Variants in CREB5 observed in about 807,000 individuals in gnomAD.
CREB5 encodes cyclic AMP-responsive element-binding protein 5.
A neutral mutation model predicts 57.1 loss-of-function variants in CREB5; 19 were observed. That is an observed-to-expected ratio of 0.33 (90% CI 0.23 to 0.49). The LOEUF (loss-of-function observed/expected upper bound fraction) is 0.49, where lower values mean the gene tolerates loss of function less well. Among genes scored for constraint, CREB5 ranks in the 20% least tolerant of loss-of-function variants. The pLI, the probability that CREB5 is intolerant of heterozygous loss-of-function variation, is 0.99. For missense variants in CREB5, 579 were observed against 671.6 expected (o/e 0.86, Z 1.52); for synonymous variants, 238 against 238.3 (o/e 1.00, Z 0.01).
Position 28,780,507 on chromosome 7 carries a change from A to G in CREB5, c.703-23692A>G, listed in dbSNP as rs566061411. ...GAGACTGAGGCAGGCAGATCACTTG[A>G]GGTCCGGAGTTTGAGACCAGCCTGC... On this transcript the variant is annotated intron_variant, in intron 7 of 10. Transcript: ENST00000357727. Among the ~76,000 whole-genome samples, 16 of 152,292 alleles carry G rather than the reference A, an allele frequency of 1.1e-4. No homozygotes were observed. In the South Asian group the frequency reaches 3.3e-3, roughly 32 times the overall value.
At chr7:28,684,270 G>T (rs980329110) in intron 5 of CREB5, among the ~76,000 whole-genome samples, 5 of 152,206 alleles carry the variant, frequency 3.3e-5, no homozygotes, top group Non-Finnish European at 7.3e-5. Context: ...CACATTTGCC[G>T]CTGTCAGGCC....
At chr7:28,321,922 A>G (rs1368430010) in intron 1 of CREB5, among the ~76,000 whole-genome samples, 1 of 152,220 alleles carries the variant, frequency 6.6e-6, no homozygotes, top group Non-Finnish European at 1.5e-5. Flanking sequence ...GAAGTTAGCA[A>G]TCAACGAAAT....
chr7:28,382,619 C>T (rs1786987923), intron 1 of CREB5, among the ~76,000 whole-genome samples: 1 of 152,082 alleles, frequency 6.6e-6, no homozygotes, highest in African/African-American at 2.4e-5. Context: ...CTCCTCCTCT[C>T]CAAAGTCTTT....
chr7:28,304,418 T>G (rs1785150988), intron 1 of CREB5, among the ~76,000 whole-genome samples: 1 of 152,206 alleles, frequency 6.6e-6, no homozygotes, highest in South Asian at 2.1e-4. Flanking sequence ...GATATTTCAT[T>G]TTCTCCCTTT....
intron 5 of CREB5, among the ~76,000 whole-genome samples, chr7:28,698,488 C>T (rs536184383): frequency 6.6e-6 from 1 of 152,186 alleles, no homozygotes; most frequent in Admixed American, 6.5e-5. Context: ...CCAATTATAC[C>T]ATTTTCTAAG....
At chr7:28,304,965 A>G (rs1026075311) in intron 1 of CREB5, among the ~76,000 whole-genome samples, 5 of 152,204 alleles carry the variant, frequency 3.3e-5, no homozygotes, top group Admixed American at 2.0e-4. Flanking sequence ...CTTCACTGAA[A>G]TCTTTCATAG....
chr7:28,432,126 T>A (rs891097527), intron 1 of CREB5, among the ~76,000 whole-genome samples: 5 of 152,274 alleles, frequency 3.3e-5, no homozygotes, highest in African/African-American at 1.2e-4. Context: ...ACTGAAACTT[T>A]GTAATAGGAT....
chr7:28,564,969 G>C (rs1446533701), intron 4 of CREB5, among the ~76,000 whole-genome samples: 1 of 152,170 alleles, frequency 6.6e-6, no homozygotes, highest in Non-Finnish European at 1.5e-5. Context: ...AGATCATGAA[G>C]ACCATGTGGT....
intron 9 of CREB5, among the ~76,000 whole-genome samples, chr7:28,816,055 G>GTACGCA (rs1554303452): frequency 6.9e-6 from 1 of 145,338 alleles, no homozygotes; most frequent in East Asian, 2.1e-4. Flanking sequence ...AAATATATAC[G>GTACGCA]CACACACACA....
chr7:28,697,983 A>G (rs1444184690), intron 5 of CREB5, among the ~76,000 whole-genome samples: 1 of 152,208 alleles, frequency 6.6e-6, no homozygotes, highest in African/African-American at 2.4e-5. Context: ...AGACTTATAA[A>G]AAGAGAAGCT....
chr7:28,668,958 C>T (rs557698544), intron 5 of CREB5, among the ~76,000 whole-genome samples: 30 of 152,288 alleles, frequency 2.0e-4, no homozygotes, highest in African/African-American at 7.0e-4. Context: ...TGCTCTGAGG[C>T]CCCGTGTAGT....
intron 5 of CREB5, among the ~76,000 whole-genome samples, chr7:28,682,432 G>A (rs975443610): frequency 3.9e-5 from 6 of 152,310 alleles, no homozygotes; most frequent in African/African-American, 1.4e-4. Flanking sequence ...TGCAAAGGAG[G>A]ACTTAGAAAA....
chr7:28,737,581 ATATATAT>A (rs1804099918), intron 7 of CREB5, among the ~76,000 whole-genome samples: 2 of 27,156 alleles, frequency 7.4e-5, no homozygotes, highest in Non-Finnish European at 1.9e-4. Context: ...ATATATATAT[ATATATAT>A]TTTTAACTCC....
At chr7:28,480,430 C>T (rs1281941072) in intron 1 of CREB5, among the ~76,000 whole-genome samples, 1 of 152,176 alleles carries the variant, frequency 6.6e-6, no homozygotes, top group East Asian at 1.9e-4. Flanking sequence ...CAATGAAATA[C>T]TTTCTTTTCT....
rs751403479 is a variant in CREB5 at position 28,721,195 on chromosome 7, G to A, written c.591+2316G>A. Among the ~76,000 whole-genome samples, 57 of 152,178 alleles carry A rather than the reference G, an allele frequency of 3.7e-4. 1 individual carries two copies. The highest frequency in any genetic ancestry group is 9.8e-4 in the Admixed American group (15 of 15,268). ...AGACTCCATTGGTTGTCACAACCAGGGTCGGTGGGAAGGTACAGGCACCTG... is the reference window on the plus strand; with the variant it reads ...AGACTCCATTGGTTGTCACAACCAGAGTCGGTGGGAAGGTACAGGCACCTG... On this transcript the variant is annotated intron_variant, in intron 6 of 10. Transcript: ENST00000357727.
In CREB5 at chr7:28,484,329, T is replaced by C. The variant is rs549336979; in HGVS notation, c.4-3846T>C. On this transcript the variant is annotated intron_variant, in intron 1 of 10. Transcript: ENST00000357727. ...AATAATAGACCATAAAAATAAACCA[T>C]GGCTCTTGACTAATACACTAGACCA... Among the ~76,000 whole-genome samples, 14 of 152,320 alleles carry C rather than the reference T, an allele frequency of 9.2e-5. No homozygotes were observed. The South Asian group carries it at 2.9e-3, about 32-fold the overall frequency.
At chr7:28,668,708 G>A (rs551646153) in intron 5 of CREB5, among the ~76,000 whole-genome samples, 1 of 152,150 alleles carries the variant, frequency 6.6e-6, no homozygotes, top group African/African-American at 2.4e-5. Flanking sequence ...GAGTATTTTA[G>A]GTAGGAACTA....
chr7:28,300,833 C>T (rs1317803418), intron 1 of CREB5, among the ~76,000 whole-genome samples: 1 of 152,074 alleles, frequency 6.6e-6, no homozygotes, highest in African/African-American at 2.4e-5. Flanking sequence ...CTCTTCAGGG[C>T]CAACTCCTGA....
intron 5 of CREB5, among the ~76,000 whole-genome samples, chr7:28,619,076 C>G (rs1220746928): frequency 6.6e-6 from 1 of 152,196 alleles, no homozygotes; most frequent in Non-Finnish European, 1.5e-5. Context: ...GGGCACATGG[C>G]CAAGTCCTGT....
Sources: gnomAD v4.1 joint callset for allele counts (sites outside exome capture counted in the v4.1 genomes callset) on GRCh38, gnomAD v4.1.1 for gene constraint, MANE v1.5 for transcripts, NCBI Gene and HGNC (gene_info 2026-07-23, HGNC 2026-07-21) for gene names.